Variants in SLC35F1 observed in about 807,000 individuals in gnomAD.
SLC35F1 encodes solute carrier family 35 member F1.
A neutral mutation model predicts 48.7 loss-of-function variants in SLC35F1; 14 were observed. That is an observed-to-expected ratio of 0.29 (90% CI 0.19 to 0.45). The LOEUF (loss-of-function observed/expected upper bound fraction) is 0.45, where lower values mean the gene tolerates loss of function less well. Among genes scored for constraint, SLC35F1 ranks in the 20% least tolerant of loss-of-function variants. SLC35F1 has a pLI of 1.00. For missense variants in SLC35F1, 404 were observed against 500.0 expected (o/e 0.81, Z 1.83); for synonymous variants, 190 against 202.2 (o/e 0.94, Z 0.51).
At position 117,919,597 on chromosome 6, in the gene SLC35F1, C is replaced by G. The variant is rs982646; in HGVS notation, c.173+11698C>G. Among the ~76,000 whole-genome samples, 56 of 152,200 alleles carry G rather than the reference C, an allele frequency of 3.7e-4. No individual in the cohort carries two copies. The East Asian group carries it at 0.01, about 28-fold the overall frequency. ...CTGTCGTTTTTGTCATGAGCCTTGT[C>G]AGTCAGAGTCTGAAGTGAAACCCAC... On this transcript the variant is annotated intron_variant, in intron 1 of 7. Transcript: ENST00000360388.
At position 117,980,668 on chromosome 6, in the gene SLC35F1, T is replaced by C. The variant is rs1156685553; in HGVS notation, c.173+72769T>C. On this transcript the variant is annotated intron_variant, in intron 1 of 7. Transcript: ENST00000360388. ...TTTTAAAGTGAATATACACATGAAA[T>C]AAGTAATCAGAGTACACTGTAGTAA... is the stretch of plus-strand genomic sequence containing the variant. Among the ~76,000 whole-genome samples, 4 of 152,212 alleles carry C rather than the reference T, an allele frequency of 2.6e-5. No individual in the cohort carries two copies. The East Asian group carries it at 7.7e-4, about 29-fold the overall frequency.
At chr6:118,030,825 T>TA (rs1450914455) in intron 1 of SLC35F1, among the ~76,000 whole-genome samples, 2 of 152,244 alleles carry the variant, frequency 1.3e-5, no homozygotes, top group East Asian at 3.8e-4. Context: ...AGAAATAGTC[T>TA]ATTATCTTTA....
intron 7 of SLC35F1, among the ~76,000 whole-genome samples, chr6:118,306,586 C>T (rs980262044): frequency 6.6e-6 from 1 of 152,196 alleles, no homozygotes; most frequent in African/African-American, 2.4e-5. Flanking sequence ...AATGTAATGT[C>T]TTTTTGACTA....
At chr6:118,289,329 A>C (rs1175347220) in intron 7 of SLC35F1, among the ~76,000 whole-genome samples, 1 of 152,222 alleles carries the variant, frequency 6.6e-6, no homozygotes, top group African/African-American at 2.4e-5. Context: ...TTTTAGTATA[A>C]ACAGGAGTTT....
intron 3 of SLC35F1, among the ~76,000 whole-genome samples, chr6:118,261,484 T>C: frequency 6.6e-6 from 1 of 152,172 alleles, no homozygotes; most frequent in East Asian, 1.9e-4. Context: ...GTAGAAAATT[T>C]AAATTAAAGT....
chr6:118,089,774 G>T (rs1299340650), intron 1 of SLC35F1, among the ~76,000 whole-genome samples: 93 of 152,166 alleles, frequency 6.1e-4, no homozygotes. Flanking sequence ...GACATTTGTG[G>T]ATGACAGGGC....
At chr6:117,937,525 A>C (rs971905156) in intron 1 of SLC35F1, among the ~76,000 whole-genome samples, 1 of 152,234 alleles carries the variant, frequency 6.6e-6, no homozygotes, top group Non-Finnish European at 1.5e-5. Context: ...TTTAAGGAAA[A>C]GAGTTCTTTT....
intron 7 of SLC35F1, among the ~76,000 whole-genome samples, chr6:118,308,240 A>G (rs1776334615): frequency 6.6e-6 from 1 of 152,136 alleles, no homozygotes; most frequent in Non-Finnish European, 1.5e-5. Flanking sequence ...TTCCTTCTTG[A>G]TCTAGAAGTT....
At chr6:117,920,046 A>T (rs1775876946) in intron 1 of SLC35F1, among the ~76,000 whole-genome samples, 1 of 152,232 alleles carries the variant, frequency 6.6e-6, no homozygotes, top group Admixed American at 6.5e-5. Flanking sequence ...GGAAGCCCAG[A>T]TGCCAGCGGG....
chr6:118,130,180 G>C (rs1455061513), intron 1 of SLC35F1, among the ~76,000 whole-genome samples: 1 of 152,176 alleles, frequency 6.6e-6, no homozygotes, highest in Non-Finnish European at 1.5e-5. Flanking sequence ...ATTAGTAGAA[G>C]TACCTTCATC....
At chr6:118,219,563 G>A (rs186415761) in intron 2 of SLC35F1, among the ~76,000 whole-genome samples, 11 of 152,090 alleles carry the variant, frequency 7.2e-5, no homozygotes, top group African/African-American at 2.7e-4. Context: ...CACTGTTGGT[G>A]GGACTGTAGA....
At chr6:118,123,755 A>T (rs779680481) in intron 1 of SLC35F1, among the ~76,000 whole-genome samples, 12 of 152,190 alleles carry the variant, frequency 7.9e-5, no homozygotes, top group Non-Finnish European at 1.8e-4. Flanking sequence ...GCTTAAACTG[A>T]ATATCCACTT....
rs909944414 is a variant in SLC35F1, at chr6:118,133,695, C to T, written c.174-20750C>T. Among the ~76,000 whole-genome samples the T allele has an allele frequency of 2.6e-5, 4 of 152,296 alleles. No homozygotes were observed. In the East Asian group the frequency reaches 5.8e-4, roughly 22 times the overall value. ...CTTCTAGTAATGCAGAGATCCAGAA[C>T]ACCATCTTCTTGTTGCTGTTGCTGC... On this transcript the variant is annotated intron_variant, in intron 1 of 7. Transcript: ENST00000360388.
intron 1 of SLC35F1, among the ~76,000 whole-genome samples, chr6:117,937,093 C>T (rs1171438447): frequency 2.0e-5 from 3 of 152,200 alleles, no homozygotes; most frequent in Non-Finnish European, 4.4e-5. Context: ...TTGTCATTCT[C>T]ATTTTGAGGA....
intron 1 of SLC35F1, among the ~76,000 whole-genome samples, chr6:118,040,405 C>T (rs9372495): frequency 0.5 from 75,292 of 151,794 alleles, 19,725 homozygotes; most frequent in Middle Eastern, 0.62. Context: ...GCATAATCAG[C>T]GAAAAGGGAT....
intron 1 of SLC35F1, among the ~76,000 whole-genome samples, chr6:118,016,963 A>G (rs1275137016): frequency 1.3e-5 from 2 of 152,200 alleles, no homozygotes; most frequent in African/African-American, 4.8e-5. Context: ...TTCCTTCCAC[A>G]TGTAACTGGT....
intron 1 of SLC35F1, among the ~76,000 whole-genome samples, chr6:118,119,492 GC>G (rs1773521690): frequency 4.8e-5 from 1 of 20,668 alleles, no homozygotes; most frequent in Non-Finnish European, 1.9e-4. Flanking sequence ...GTAATAACCG[GC>G]GCCCCCCCTC....
chr6:118,159,291 T>C (rs1774192795), intron 2 of SLC35F1, among the ~76,000 whole-genome samples: 1 of 149,078 alleles, frequency 6.7e-6, no homozygotes. Flanking sequence ...TACAACTTTG[T>C]AGAAAGAAAT....
chr6:118,062,303 T>C (rs1772552548), intron 1 of SLC35F1, among the ~76,000 whole-genome samples: 1 of 152,186 alleles, frequency 6.6e-6, no homozygotes, highest in Non-Finnish European at 1.5e-5. Flanking sequence ...TCTAAAAAGA[T>C]TAAATGGACT....
Sources: gnomAD v4.1 joint callset for allele counts (sites outside exome capture counted in the v4.1 genomes callset) on GRCh38, gnomAD v4.1.1 for gene constraint, MANE v1.5 for transcripts, NCBI Gene and HGNC (gene_info 2026-07-23, HGNC 2026-07-21) for gene names.